Variants in ESRRB observed in about 807,000 individuals in gnomAD.
ESRRB encodes steroid hormone receptor ERR2.
Under a neutral mutation model 46.0 loss-of-function variants are expected in ESRRB, and 16 were observed. That is an observed-to-expected ratio of 0.35 (90% confidence interval 0.24 to 0.53). The LOEUF is 0.53. Ranked by LOEUF, ESRRB falls within the 20% of genes least tolerant of loss-of-function variation. The pLI is 0.93. For synonymous variants in ESRRB, 246 were observed against 259.6 expected (o/e 0.95, Z 0.50); for missense variants, 488 against 607.4 (o/e 0.80, Z 2.07).
upstream of ESRRB, chr14:76,376,097 G>A (rs2139788602): frequency 4.4e-6 from 1 of 229,040 alleles, no homozygotes; most frequent in African/African-American, 2.4e-5. The surrounding 1 kb of genome is among the most constrained non-coding windows in gnomAD (Gnocchi z 4.1). Flanking sequence ...CTATACATCA[G>A]TCTCCCAGCC....
At chr14:76,409,200 C>T (rs1886328147) in intron 1 of ESRRB, among the ~76,000 whole-genome samples, 1 of 152,180 alleles carries the variant, frequency 6.6e-6, no homozygotes, top group South Asian at 2.1e-4. Context: ...AGAAAACTTG[C>T]TAACAATGGT....
chr14:76,348,387 C>T (rs771441676), intron 1 of ESRRB, among the ~76,000 whole-genome samples: 2 of 152,096 alleles, frequency 1.3e-5, no homozygotes, highest in Non-Finnish European at 2.9e-5. Flanking sequence ...ATATTGTTTC[C>T]GTCATACCCA....
chr14:76,389,512 G>C (rs1885380948), intron 1 of ESRRB, among the ~76,000 whole-genome samples: 1 of 152,222 alleles, frequency 6.6e-6, no homozygotes, highest in Non-Finnish European at 1.5e-5. Context: ...CCTGGGAAGA[G>C]GTAACCAGGA....
Position 76,498,273 on chromosome 14 carries a change from G to A in ESRRB, c.1180G>A (p.Ala394Thr). 2 of 1,613,796 alleles carry A rather than the reference G, an allele frequency of 1.2e-6. No homozygotes were observed. Among genetic ancestry groups the A allele is most frequent in the South Asian group, 1.1e-5 (1 of 91,076 alleles). ...GAAGCTGCAGGACCTGCTGCACGAG[G>A]CACTGCAGGACTACGAGCTGAGCCA... ...VQKLQDLLHE[A>T]LQDYELSQRH... Residue 394 changes from alanine (A) to threonine (T), a missense_variant, in exon 7 of 7, where the codon GCA becomes ACA. By Grantham distance (58) the Ala-to-Thr change is moderately conservative. Coordinates refer to ENST00000644823, the MANE Select transcript of ESRRB (RefSeq NM_001379180.1).
chr14:76,413,809 G>A (rs1406110448), intron 1 of ESRRB, among the ~76,000 whole-genome samples: 1 of 151,212 alleles, frequency 6.6e-6, no homozygotes, highest in African/African-American at 2.4e-5. Flanking sequence ...ACATGCAGCA[G>A]AGGCGGCCCC....
chr14:76,422,209 T>C (rs1017944068), intron 1 of ESRRB, among the ~76,000 whole-genome samples: 9 of 104,428 alleles, frequency 8.6e-5, no homozygotes, highest in Non-Finnish European at 1.5e-4. Flanking sequence ...TTTCCTTCTT[T>C]TTTTTTTTTT....
At chr14:76,418,288 T>C (rs1429570469) in intron 1 of ESRRB, among the ~76,000 whole-genome samples, 1 of 152,122 alleles carries the variant, frequency 6.6e-6, no homozygotes, top group African/African-American at 2.4e-5. Context: ...TTTAATGAAA[T>C]TGTTTTTTGG....
At chr14:76,402,709 C>A (rs1885995529) in intron 1 of ESRRB, among the ~76,000 whole-genome samples, 1 of 152,046 alleles carries the variant, frequency 6.6e-6, no homozygotes. Flanking sequence ...CTTTTCTTTT[C>A]TTTTTTTGAA....
intron 1 of ESRRB, among the ~76,000 whole-genome samples, chr14:76,330,355 G>A (rs1349603630): frequency 6.6e-6 from 1 of 152,192 alleles, no homozygotes; most frequent in Non-Finnish European, 1.5e-5. Context: ...GTGGCAGAGG[G>A]GCTCCAGTTA....
chr14:76,463,384 G>A (rs1206069385), intron 3 of ESRRB: 1 of 152,048 alleles, frequency 6.6e-6, no homozygotes, highest in African/African-American at 2.4e-5. Context: ...CATGCAGAAA[G>A]GCTAATCTTC....
At chr14:76,359,936 C>T (rs951043670) in intron 1 of ESRRB, among the ~76,000 whole-genome samples, 1 of 152,184 alleles carries the variant, frequency 6.6e-6, no homozygotes, top group East Asian at 1.9e-4. Flanking sequence ...CTGGGCAGAT[C>T]CTGTCTTCAG....
intron 1 of ESRRB, among the ~76,000 whole-genome samples, chr14:76,323,444 G>A (rs1255281180): frequency 6.6e-6 from 1 of 151,694 alleles, no homozygotes; most frequent in East Asian, 1.9e-4. Flanking sequence ...TGAGTAGCTG[G>A]GACTACAGGC....
At chr14:76,368,083 G>C (rs2139777894), upstream of ESRRB, among the ~76,000 whole-genome samples, 1 of 150,186 alleles carries the variant, frequency 6.7e-6, no homozygotes, top group African/African-American at 2.5e-5. Flanking sequence ...CTCCTCAGTA[G>C]CTGGGACTGC....
chr14:76,451,452 T>C (rs1888376458), intron 2 of ESRRB, among the ~76,000 whole-genome samples: 1 of 152,046 alleles, frequency 6.6e-6, no homozygotes, highest in Non-Finnish European at 1.5e-5. Flanking sequence ...AAATAAATAG[T>C]ATTTGTTTTG....
chr14:76,387,507 T>G (rs1296940892), intron 1 of ESRRB, among the ~76,000 whole-genome samples: 3 of 152,218 alleles, frequency 2.0e-5, no homozygotes, highest in African/African-American at 7.2e-5. Context: ...GTTTTCACCT[T>G]TCCGAGCCCT....
intron 1 of ESRRB, among the ~76,000 whole-genome samples, chr14:76,386,560 G>A (rs535100893): frequency 1.5e-3 from 220 of 149,254 alleles, no homozygotes; most frequent in Admixed American, 7.8e-3. Flanking sequence ...GGGTTCAAGC[G>A]ATTCTCCTGC....
At chr14:76,463,445 G>GTTTTTTTTTTTTTTTTTTTTTTTTTT (rs1313130923) in intron 3 of ESRRB, 1 of 114,738 alleles carries the variant, frequency 8.7e-6, no homozygotes, top group African/African-American at 3.7e-5. Context: ...ATGCTTCTTT[G>GTTTTTTTTTTTTTTTTTTTTTTTTTT]TTTTTTTTTT....
intron 1 of ESRRB, among the ~76,000 whole-genome samples, chr14:76,416,688 C>T (rs1267401454): frequency 4.6e-5 from 7 of 151,656 alleles, no homozygotes; most frequent in South Asian, 2.1e-4. Flanking sequence ...AGGCTGGTCT[C>T]GAACTCCTGA....
intron 1 of ESRRB, among the ~76,000 whole-genome samples, chr14:76,341,411 C>G (rs1884190723): frequency 6.6e-6 from 1 of 152,242 alleles, no homozygotes; most frequent in African/African-American, 2.4e-5. Flanking sequence ...CATGTACTCC[C>G]CTCCCTGTGG....
Sources: gnomAD v4.1 joint callset for allele counts (sites outside exome capture counted in the v4.1 genomes callset) on GRCh38, gnomAD v4.1.1 for gene constraint, Gnocchi (gnomAD v3.1) non-coding constraint, MANE v1.5 for transcripts, NCBI Gene and HGNC (gene_info 2026-07-23, HGNC 2026-07-21) for gene names.